The following ZMIZ1 variants were observed in gnomAD, a reference collection of about 807,000 sequenced individuals.
ZMIZ1 encodes zinc finger MIZ domain-containing protein 1.
Under a neutral mutation model 113.9 loss-of-function variants are expected in ZMIZ1, and 17 were observed. The ratio of observed to expected loss-of-function variants is 0.15; its 90% CI spans 0.10 to 0.22. The LOEUF is 0.22. ZMIZ1 is among the 10% of genes least tolerant of loss of function. ZMIZ1 has a pLI of 1.00. For missense variants in ZMIZ1, 1,059 were observed against 1,477.8 expected (o/e 0.72, Z 4.65); for synonymous variants, 607 against 603.1 (o/e 1.01, Z -0.09).
intron 4 of ZMIZ1, among the ~76,000 whole-genome samples, chr10:79,200,622 C>T (rs1415641476): frequency 6.6e-6 from 1 of 152,224 alleles, no homozygotes; most frequent in Non-Finnish European, 1.5e-5. Context: ...TGGGCTCAGA[C>T]ACCACTTGAT....
At chr10:79,291,270 T>C in intron 10 of ZMIZ1, 94 bp downstream of exon 10, 1 of 1,379,990 alleles carries the variant, frequency 7.2e-7, no homozygotes, top group East Asian at 2.5e-5. Flanking sequence ...GCTCCACGCT[T>C]TCTGCCCTGA....
intron 7 of ZMIZ1, among the ~76,000 whole-genome samples, chr10:79,227,998 G>T (rs1307226746): frequency 3.3e-5 from 5 of 152,224 alleles, no homozygotes. Flanking sequence ...CTGTGCCCTG[G>T]GCAAGGGATG....
intron 1 of ZMIZ1, among the ~76,000 whole-genome samples, chr10:79,098,796 G>A (rs1008274020): frequency 6.6e-6 from 1 of 152,334 alleles, no homozygotes; most frequent in East Asian, 1.9e-4. Context: ...TGCGGCTGGG[G>A]GCCCAGCACC....
intron 4 of ZMIZ1, among the ~76,000 whole-genome samples, chr10:79,182,272 CAGTTTAGAGGACAG>C (rs1847153699): frequency 6.6e-6 from 1 of 152,232 alleles, no homozygotes; most frequent in South Asian, 2.1e-4. Context: ...GGTCACACAG[CAGTTTAGAGGACAG>C]CCAAGTCTGG....
chr10:79,174,716 G>A (rs1034242999), intron 4 of ZMIZ1, among the ~76,000 whole-genome samples: 38 of 152,218 alleles, frequency 2.5e-4, no homozygotes, highest in Non-Finnish European at 4.4e-5. Context: ...TCAGAAATGT[G>A]GCTGAGTTTG....
intron 4 of ZMIZ1, among the ~76,000 whole-genome samples, chr10:79,164,107 AT>A (rs562812418): frequency 1.2e-3 from 180 of 152,288 alleles, no homozygotes; most frequent in African/African-American, 4.0e-3. Flanking sequence ...GTGGTAATCA[AT>A]ACCTTGGTGT....
At chr10:79,204,325 C>T (rs1242964789) in intron 5 of ZMIZ1, among the ~76,000 whole-genome samples, 1 of 152,186 alleles carries the variant, frequency 6.6e-6, no homozygotes, top group Non-Finnish European at 1.5e-5. Flanking sequence ...TGCCTTTGCC[C>T]CTTCTCAGCC....
chr10:79,156,741 G>T (rs745306982), intron 3 of ZMIZ1, among the ~76,000 whole-genome samples: 4 of 152,196 alleles, frequency 2.6e-5, no homozygotes, highest in Admixed American at 6.5e-5. Context: ...CCCCGCCCAG[G>T]ACTTCCCGCA....
chr10:79,300,786 C>T lies in ZMIZ1; in HGVS notation c.1863C>T (p.Asn621=), dbSNP rs1417309399. Residue 621 remains asparagine, a synonymous_variant, in exon 17 of 25, where the codon AAC becomes AAT. Transcript: ENST00000334512. ...ACCACCACGAGGACCGGCAGATGAA[C>T]ACCAACTGGCCCGCCTCGGTGCAGG... is the stretch of plus-strand genomic sequence containing the variant. ...KCYHHEDRQM[N]TNWPASVQVS... 1 of 1,613,948 alleles carries T rather than the reference C, an allele frequency of 6.2e-7. No homozygotes were observed. The highest frequency in any genetic ancestry group is 1.3e-5 in the African/African-American group (1 of 74,920).
At chr10:79,146,293 C>G (rs1013797344) in intron 3 of ZMIZ1, among the ~76,000 whole-genome samples, 3 of 152,178 alleles carry the variant, frequency 2.0e-5, no homozygotes, top group Admixed American at 6.5e-5. Context: ...GCCTGCCACC[C>G]TGGGGTAGTA....
intron 4 of ZMIZ1, among the ~76,000 whole-genome samples, chr10:79,200,710 A>C (rs1848038865): frequency 6.6e-6 from 1 of 151,984 alleles, no homozygotes; most frequent in Non-Finnish European, 1.5e-5. Flanking sequence ...GCTCATTCTT[A>C]TCCTCCTTTT....
intron 24 of ZMIZ1, among the ~76,000 whole-genome samples, chr10:79,312,387 C>G (rs1472124805): frequency 2.6e-5 from 4 of 152,274 alleles, no homozygotes; most frequent in African/African-American, 9.6e-5. Context: ...CTGCTCAGGC[C>G]TCAGCTGGTG....
intron 23 of ZMIZ1, among the ~76,000 whole-genome samples, 193 bp downstream of exon 23, chr10:79,307,764 T>G (rs571390208): frequency 6.6e-6 from 1 of 152,130 alleles, no homozygotes; most frequent in East Asian, 1.9e-4. Flanking sequence ...CTGTTTTACC[T>G]AGGATTTCGG....
At chr10:79,132,017 G>A (rs1226639120) in intron 2 of ZMIZ1, among the ~76,000 whole-genome samples, 3 of 152,206 alleles carry the variant, frequency 2.0e-5, no homozygotes, top group East Asian at 1.9e-4. Flanking sequence ...GGCTCCAGAG[G>A]TTTGAGAGCT....
At chr10:79,250,636 C>T (rs1356567817) in intron 7 of ZMIZ1, among the ~76,000 whole-genome samples, 3 of 152,238 alleles carry the variant, frequency 2.0e-5, no homozygotes, top group Non-Finnish European at 2.9e-5. Context: ...TCCTTGAGGT[C>T]TACCCATAGT....
intron 1 of ZMIZ1, among the ~76,000 whole-genome samples, chr10:79,088,401 A>C (rs1842881077): frequency 1.3e-5 from 2 of 152,160 alleles, no homozygotes; most frequent in African/African-American, 2.4e-5. Flanking sequence ...CTGTGGGCAA[A>C]TGAGCTCCAG....
At chr10:79,180,051 G>A (rs954999856) in intron 4 of ZMIZ1, among the ~76,000 whole-genome samples, 3 of 152,216 alleles carry the variant, frequency 2.0e-5, no homozygotes, top group South Asian at 2.1e-4. Flanking sequence ...GCAGGGTGCC[G>A]AGGGTGGAGA....
rs1852846307 is a variant in ZMIZ1, at chr10:79,283,170, C to T, written c.425+5845C>T. ...AGCCTCCAAGATTGAGAGGTGCCTT[C>T]CTCCTTCTTATAGGTGCGGGATTTA... is the stretch of plus-strand genomic sequence containing the variant. On this transcript the variant is annotated intron_variant, in intron 8 of 24. Coordinates refer to ENST00000334512, the MANE Select transcript of ZMIZ1 (RefSeq NM_020338.4). 3.3e-5 allele frequency among the ~76,000 whole-genome samples: 5 copies of T among 152,376 alleles called. No homozygotes were observed. In the South Asian group the frequency reaches 1.0e-3, roughly 32 times the overall value.
intron 7 of ZMIZ1, among the ~76,000 whole-genome samples, chr10:79,241,541 G>A (rs1315114617): frequency 6.6e-6 from 1 of 152,080 alleles, no homozygotes; most frequent in African/African-American, 2.4e-5. Context: ...AATTTCTCTT[G>A]CAGGAAGCTA....
Sources: gnomAD v4.1 joint callset for allele counts (sites outside exome capture counted in the v4.1 genomes callset) on GRCh38, gnomAD v4.1.1 for gene constraint, MANE v1.5 for transcripts, NCBI Gene and HGNC (gene_info 2026-07-23, HGNC 2026-07-21) for gene names.